The following ANAPC4 variants were observed in gnomAD, a reference collection of about 807,000 sequenced individuals.
ANAPC4 encodes anaphase-promoting complex subunit 4.
Under a neutral mutation model 119.8 loss-of-function variants are expected in ANAPC4, and 63 were observed. The observed-to-expected ratio is 0.53, with a 90% CI of 0.43 to 0.65. The LOEUF (loss-of-function observed/expected upper bound fraction) is 0.65, where lower values mean the gene tolerates loss of function less well. ANAPC4 is among the 30% of genes least tolerant of loss of function. ANAPC4 has a pLI of 0.00. For missense variants in ANAPC4, 716 were observed against 945.1 expected, an observed-to-expected ratio of 0.76 and a Z score of 3.18; for synonymous variants, 283 against 318.6, an observed-to-expected ratio of 0.89 and a Z score of 1.19.
At chr4:25,386,018 AT>A (rs925766350) in intron 4 of ANAPC4, among the ~76,000 whole-genome samples, 7 of 151,886 alleles carry the variant, frequency 4.6e-5, no homozygotes, top group African/African-American at 1.7e-4. Context: ...TCCCAGGTTG[AT>A]TCTCCTGCCT....
intron 3 of ANAPC4, among the ~76,000 whole-genome samples, chr4:25,382,196 A>G (rs1003750071): frequency 1.3e-5 from 2 of 152,138 alleles, no homozygotes; most frequent in Non-Finnish European, 2.9e-5. Context: ...CTAACCCACT[A>G]TATTTATATA....
intron 10 of ANAPC4, among the ~76,000 whole-genome samples, chr4:25,393,395 C>T (rs572823372): frequency 2.6e-5 from 4 of 152,282 alleles, no homozygotes; most frequent in South Asian, 2.1e-4. Context: ...GGCACAGTGG[C>T]GCACACCTAT....
chr4:25,389,801 C>G (rs955288021), intron 7 of ANAPC4, among the ~76,000 whole-genome samples: 1 of 152,056 alleles, frequency 6.6e-6, no homozygotes, highest in Admixed American at 6.5e-5. Context: ...AGCATCATAA[C>G]CATGATAAAA....
At chr4:25,413,955 A>G in intron 22 of ANAPC4, 1 of 496,630 alleles carries the variant, frequency 2.0e-6, no homozygotes. Flanking sequence ...GTGTGTGTAT[A>G]AAGATTACTG....
intron 16 of ANAPC4, 43 bp from the exon 17 acceptor site, chr4:25,402,928 A>C: frequency 8.5e-7 from 1 of 1,178,004 alleles, no homozygotes; most frequent in South Asian, 1.4e-5. Context: ...TGAATCCCCC[A>C]CACACTAATC....
intron 3 of ANAPC4, among the ~76,000 whole-genome samples, chr4:25,382,360 T>A (rs1292121916): frequency 6.6e-6 from 1 of 152,194 alleles, no homozygotes; most frequent in East Asian, 1.9e-4. Context: ...TTTCTGGAAA[T>A]GTCTTAAACA....
intron 21 of ANAPC4, among the ~76,000 whole-genome samples, chr4:25,409,999 G>A (rs1017265214): frequency 1.3e-5 from 2 of 152,182 alleles, no homozygotes; most frequent in East Asian, 1.9e-4. Context: ...AGTTAACTAC[G>A]CTGTAGGAAG....
At chr4:25,416,849 G>T (rs1189696320) in intron 27 of ANAPC4, 3 of 280,328 alleles carry the variant, frequency 1.1e-5, no homozygotes, top group Non-Finnish European at 1.3e-5. Flanking sequence ...ATTTGGAGTG[G>T]ATAATGGGAC....
chr4:25,415,611 A>G, intron 26 of ANAPC4, 71 bp downstream of exon 26: 1 of 1,379,998 alleles, frequency 7.2e-7, no homozygotes, highest in Non-Finnish European at 1.0e-6. Flanking sequence ...GAATAGGATC[A>G]GACTCAGTTA....
intron 16 of ANAPC4, among the ~76,000 whole-genome samples, chr4:25,398,312 G>A (rs1722767338): frequency 6.6e-6 from 1 of 152,176 alleles, no homozygotes; most frequent in Admixed American, 6.5e-5. Context: ...AGGACCTAGG[G>A]CATGATAAGG....
chr4:25,394,184 G>A lies in ANAPC4; in HGVS notation c.877-126G>A, dbSNP rs1722508480. On this transcript the variant is annotated intron_variant, in intron 11 of 28. Transcript: ENST00000315368. ...ATCTTCTAGTCACTGATGTTCAGAT[G>A]ATCACTTTATGGATTTGATGGAAGT... The A allele has an allele frequency of 7.4e-6, 6 of 807,562 alleles. No homozygotes were observed. In the South Asian group the frequency reaches 1.1e-4, roughly 14 times the overall value. The allele number at this position is 807,562 out of a possible 1,614,324, so 50.0% of individuals were successfully genotyped here.
Position 25,418,405 on chromosome 4 carries a change from T to A in ANAPC4, c.*23T>A. ...TAATCTAGCTTGCCATTATTGTGTG[T>A]GTAATTATGGCCAAAAGGACATAGG... On this transcript the variant is annotated 3_prime_UTR_variant, in exon 29 of 29. Transcript: ENST00000315368. 1 of 1,605,440 alleles carries A rather than the reference T, an allele frequency of 6.2e-7. No individual in the cohort carries two copies. The highest frequency in any genetic ancestry group is 8.5e-7 in the Non-Finnish European group (1 of 1,172,952).
chr4:25,410,485 A>G (rs1034836909), intron 21 of ANAPC4, among the ~76,000 whole-genome samples: 6 of 152,142 alleles, frequency 3.9e-5, no homozygotes, highest in African/African-American at 1.2e-4. Flanking sequence ...TTTAATCCTC[A>G]CAAGATTCTA....
chr4:25,403,506 A>G (rs975964118), intron 17 of ANAPC4, among the ~76,000 whole-genome samples: 1 of 152,186 alleles, frequency 6.6e-6, no homozygotes, highest in Non-Finnish European at 1.5e-5. Flanking sequence ...TTTTGTAAGT[A>G]TCAGGCACTG....
intron 16 of ANAPC4, 80 bp from the exon 17 acceptor site, chr4:25,402,891 T>C (rs1723054267): frequency 2.6e-6 from 2 of 757,034 alleles, no homozygotes; most frequent in Non-Finnish European, 4.2e-6. Flanking sequence ...AGGATTATGA[T>C]ATTTCCTGAC....
Position 25,416,553 on chromosome 4 carries a change from G to A in ANAPC4, c.2030G>A (p.Ser677Asn). The part of the protein sequence containing the change: ...VQLPLSLVYN[S>N]EDSAEYQFTG... ...CTGCCTTTGTCTTTAGTATATAACA[G>A]TGAAGATTCTGCAGAATATCAGTTC... The change falls in exon 27 of 29, where the codon AGT (serine) becomes AAT (asparagine). Residue 677 changes from serine to asparagine, a missense_variant. Ser to Asn is a conservative substitution (Grantham distance 46). Around this residue, in one of 3 missense-constraint regions of ANAPC4, gnomAD observed 504 missense variants for 615.8 expected, o/e 0.82. Coordinates refer to ENST00000315368, the MANE Select transcript of ANAPC4 (RefSeq NM_013367.3). 6.3e-7 allele frequency: 1 copy of A among 1,583,260 alleles called. No individual in the cohort carries two copies. The highest frequency in any genetic ancestry group is 8.6e-7 in the Non-Finnish European group (1 of 1,159,306).
chr4:25,414,362 T>G lies in ANAPC4; in HGVS notation c.1662T>G (p.Ile554Met). 1 of 1,601,980 alleles carries G rather than the reference T, an allele frequency of 6.2e-7. No individual in the cohort carries two copies. Among genetic ancestry groups the G allele is most frequent in the Non-Finnish European group, 8.5e-7 (1 of 1,171,974 alleles). The change falls in exon 23 of 29, where the codon ATT (isoleucine) becomes ATG (methionine). Residue 554 changes from isoleucine to methionine, a missense_variant. By Grantham distance (10) the Ile-to-Met change is conservative. This residue lies in a region of ANAPC4 where 504 missense variants were observed against 615.8 expected (regional missense o/e 0.82). Coordinates refer to ENST00000315368, the MANE Select transcript of ANAPC4 (RefSeq NM_013367.3). ...IGKSMNQAICIPLYRDTRSED... is the reference protein window; with the variant it reads ...IGKSMNQAICMPLYRDTRSED... ...AATCGATGAATCAAGCAATCTGTAT[T>G]CCATTGTATAGAGATACCAGAAGGT...
intron 3 of ANAPC4, among the ~76,000 whole-genome samples, chr4:25,381,960 C>T (rs1233113743): frequency 6.6e-6 from 1 of 152,136 alleles, no homozygotes; most frequent in South Asian, 2.1e-4. Context: ...AAAAAAAATC[C>T]CTGAAAGCAG....
chr4:25,378,478 A>G (rs1259953657), intron 2 of ANAPC4, among the ~76,000 whole-genome samples: 2 of 152,146 alleles, frequency 1.3e-5, no homozygotes, highest in African/African-American at 4.8e-5. Flanking sequence ...CGCTGCCGGG[A>G]TGCTTTGAAA....
Sources: allele counts gnomAD v4.1 joint callset (sites outside exome capture counted in the v4.1 genomes callset), GRCh38; gene constraint gnomAD v4.1.1; regional missense constraint gnomAD v4.1.1; transcripts MANE v1.5; gene names NCBI Gene and HGNC (gene_info 2026-07-23, HGNC 2026-07-21).